The following GSG1L2 variants were observed in gnomAD, a reference collection of about 807,000 sequenced individuals.
GSG1L2 encodes germ cell-specific gene 1-like protein 2.
In GSG1L2, 15 loss-of-function variants were observed where a neutral mutation model predicts 9.0. The ratio of observed to expected loss-of-function variants is 1.67; its 90% CI spans 1.12 to 2.57. GSG1L2 has a LOEUF of 2.57. GSG1L2 is among the 30% of genes most tolerant of loss of function. The probability of loss-of-function intolerance (pLI) is 0.00; values close to 1 mark genes in which losing one functional copy is unlikely to be tolerated. For synonymous variants in GSG1L2, 127 were observed against 57.9 expected, an observed-to-expected ratio of 2.19 and a Z score of -5.41; for missense variants, 286 against 150.3, an observed-to-expected ratio of 1.90 and a Z score of -4.72.
intron 1 of GSG1L2, 47 bp from the exon 2 acceptor site, chr17:9,810,665 C>G: frequency 4.3e-6 from 3 of 702,574 alleles, no homozygotes; most frequent in Non-Finnish European, 7.8e-6. Context: ...CACTTCACAA[C>G]CAGGGGGCAA....
At chr17:9,809,449 C>T (rs1430372930) in intron 2 of GSG1L2, 4 of 168,780 alleles carry the variant, frequency 2.4e-5, no homozygotes, top group Non-Finnish European at 3.8e-5. Flanking sequence ...AAAGGACGAA[C>T]ACTCCAAACC....
Position 9,802,582 on chromosome 17 carries a change from G to A in GSG1L2, c.686C>T (p.Thr229Met), listed in dbSNP as rs1351844109. The change falls in exon 5 of 5, where the codon ACG becomes ATG. Residue 229 changes from threonine to methionine, a missense_variant. Transcript: ENST00000399363. ...CTCGGTGAATTCCAGGCGGGCTGCCGTGAACCTGCTCATGGCCGAGACCGA... is the reference window on the plus strand; with the variant it reads ...CTCGGTGAATTCCAGGCGGGCTGCCATGAACCTGCTCATGGCCGAGACCGA... ...AVSVSAMSRF[T>M]AARLEFTEKQ... 7 of 702,722 alleles carry A rather than the reference G, an allele frequency of 1.0e-5. No individual in the cohort carries two copies. The highest frequency in any genetic ancestry group is 2.0e-5 in the Admixed American group (1 of 49,978). The allele number at this position is 702,722 out of a possible 1,614,324, so 43.5% of individuals were successfully genotyped here. A position where few individuals can be genotyped will look rare whatever the true frequency, so the allele number is the denominator to read the frequency against.
intron 4 of GSG1L2, chr17:9,804,450 G>A (rs1320773049): frequency 6.6e-6 from 1 of 152,240 alleles, no homozygotes; most frequent in African/African-American, 2.4e-5. Flanking sequence ...AGGGAAGGGG[G>A]CTGGTCTGAA....
At chr17:9,807,758 T>A (rs2066521681) in intron 3 of GSG1L2, 157 bp from the exon 4 acceptor site, 2 of 593,880 alleles carry the variant, frequency 3.4e-6, no homozygotes, top group Admixed American at 2.6e-5. Context: ...GGACATCTCT[T>A]TCCCACAATT....
chr17:9,815,248 G>A (rs888158942), intron 1 of GSG1L2, among the ~76,000 whole-genome samples: 3 of 152,144 alleles, frequency 2.0e-5, no homozygotes, highest in Non-Finnish European at 2.9e-5. Context: ...AAAATAGCTG[G>A]GTGTGGTGGC....
rs2066583509 is a variant in GSG1L2, at chr17:9,820,188, G to A, written c.310+1574C>T. Among the ~76,000 whole-genome samples the A allele has an allele frequency of 6.6e-6, 1 of 152,086 alleles. No homozygotes were observed. The highest frequency in any genetic ancestry group is 1.9e-4 in the East Asian group (1 of 5,182). Reference sequence around the variant, plus strand: ...TTAGAACCTCCAGGACTGGGCACCTGGATATTTCTTTTACAAGTTCCTTGG... The same window carrying A: ...TTAGAACCTCCAGGACTGGGCACCTAGATATTTCTTTTACAAGTTCCTTGG... On this transcript the variant is annotated intron_variant, in intron 1 of 4. Transcript: ENST00000399363. The surrounding 1 kb of genome is among the most constrained non-coding windows in gnomAD (Gnocchi z 4.9).
chr17:9,813,946 GT>G (rs59370552), intron 1 of GSG1L2, among the ~76,000 whole-genome samples: 1 of 151,390 alleles, frequency 6.6e-6, no homozygotes, highest in Non-Finnish European at 1.5e-5. Flanking sequence ...AGTTTTTTCT[GT>G]TTTTTTTGAC....
intron 1 of GSG1L2, among the ~76,000 whole-genome samples, chr17:9,816,020 C>A (rs12944629): frequency 0.52 from 78,628 of 151,948 alleles, 21,414 homozygotes; most frequent in East Asian, 0.99. Flanking sequence ...TCAGCACCCT[C>A]AGCCATGGGC....
intron 3 of GSG1L2, 53 bp downstream of exon 3, chr17:9,808,777 C>CA (rs1165459995): frequency 1.4e-6 from 1 of 697,410 alleles, no homozygotes; most frequent in African/African-American, 1.7e-5. Context: ...TCCAGTCTGA[C>CA]ACTCTGCTTT....
chr17:9,810,409 T>TAC, intron 2 of GSG1L2, 162 bp downstream of exon 2: 1 of 616,696 alleles, frequency 1.6e-6, no homozygotes, highest in African/African-American at 1.8e-5. Context: ...CACCACTGGC[T>TAC]ATAGGGCACA....
intron 1 of GSG1L2, among the ~76,000 whole-genome samples, chr17:9,815,159 G>A (rs188698709): frequency 1.9e-3 from 293 of 152,210 alleles, no homozygotes; most frequent in Non-Finnish European, 3.0e-3. Flanking sequence ...AGGCCGAGGC[G>A]GGCGGATCAC....
Position 9,800,898 on chromosome 17 carries a change from T to C in GSG1L2, c.*1488A>G, listed in dbSNP as rs2066494368. ...GGAACCCCAGCAGACATTCTCTGGG[T>C]TGGGCTTATTCCAGCAAGAATCCAT... On this transcript the variant is annotated 3_prime_UTR_variant, in exon 5 of 5. Coordinates refer to ENST00000399363, the MANE Select transcript of GSG1L2 (RefSeq NM_001310219.2). Among the ~76,000 whole-genome samples the C allele has an allele frequency of 6.6e-6, 1 of 152,188 alleles. No individual in the cohort carries two copies. Among genetic ancestry groups the C allele is most frequent in the South Asian group, 2.1e-4 (1 of 4,828 alleles).
intron 2 of GSG1L2, 154 bp from the exon 3 acceptor site, chr17:9,809,136 C>A: frequency 3.7e-5 from 22 of 591,342 alleles, no homozygotes; most frequent in East Asian, 5.8e-5. Flanking sequence ...TCTTAGCTGG[C>A]AATGGAAAGG....
chr17:9,812,635 T>A (rs1408318593), intron 1 of GSG1L2, among the ~76,000 whole-genome samples: 2 of 152,160 alleles, frequency 1.3e-5, no homozygotes, highest in East Asian at 1.9e-4. Context: ...TCATTTTTTT[T>A]ATTTTTTGAG....
chr17:9,810,488 A>G (rs2066534929), intron 2 of GSG1L2, 83 bp downstream of exon 2: 1 of 684,122 alleles, frequency 1.5e-6, no homozygotes. Context: ...CTCCCTCATC[A>G]TTTCCCCTAT....
rs187943207 is a variant in GSG1L2, at chr17:9,818,170, C to T, written c.310+3592G>A. ...TTGGCTCACGGTTCTGCTGGCTGTT[C>T]GGGAAGCATAGCACTGGCATCTGCT... On this transcript the variant is annotated intron_variant, in intron 1 of 4. Coordinates refer to ENST00000399363, the MANE Select transcript of GSG1L2 (RefSeq NM_001310219.2). 3.1e-3 allele frequency among the ~76,000 whole-genome samples: 470 copies of T among 152,238 alleles called. 2 individuals carry two copies. Among genetic ancestry groups the T allele is most frequent in the African/African-American group, 0.011 (438 of 41,536 alleles).
intron 4 of GSG1L2, chr17:9,803,759 A>G (rs1358384819): frequency 6.6e-6 from 1 of 152,238 alleles, no homozygotes; most frequent in East Asian, 1.9e-4. Flanking sequence ...TGATGGAGGC[A>G]CTATAATTAT....
rs527617914 is a variant in GSG1L2, at chr17:9,813,945, T to TC, written c.311-3328_311-3327insG. The stretch of plus-strand genomic sequence containing the variant: ...GTGAACTGCATTCCACAGTTTTTTC[T>TC]GTTTTTTTTGACGGAGGCTCGCTCT... On this transcript the variant is annotated intron_variant, in intron 1 of 4. Transcript: ENST00000399363. Among the ~76,000 whole-genome samples, 163 of 55,754 alleles carry TC rather than the reference T, an allele frequency of 2.9e-3. 3 individuals are homozygous for TC. In the East Asian group the frequency reaches 0.36, roughly 125 times the overall value. 36.6% of individuals were successfully genotyped at this position (55,754 alleles called of 152,430 possible).
chr17:9,821,907 G>A lies in GSG1L2; in HGVS notation c.165C>T (p.Phe55=). ...DQPGGQHCIH[F]KRDNSSNGRM... is the part of the protein sequence containing the mutation. ...TGCCATTGCTGCTGTTGTCCCGTTT[G>A]AAGTGAATGCAGTGCTGCCCTCCCG... The change falls in exon 1 of 5, where the codon TTC becomes TTT. Residue 55 remains phenylalanine, a synonymous_variant. Transcript: ENST00000399363. The A allele has an allele frequency of 1.4e-6, 1 of 703,338 alleles. No homozygotes were observed. Among genetic ancestry groups the A allele is most frequent in the South Asian group, 1.5e-5 (1 of 67,608 alleles). The allele number at this position is 703,338 out of a possible 1,614,324, so 43.6% of individuals were successfully genotyped here.
Sources: gnomAD v4.1 joint callset for allele counts (sites outside exome capture counted in the v4.1 genomes callset) on GRCh38, gnomAD v4.1.1 for gene constraint, Gnocchi (gnomAD v3.1) non-coding constraint, MANE v1.5 for transcripts, NCBI Gene and HGNC (gene_info 2026-07-23, HGNC 2026-07-21) for gene names.